TAFA1: variants seen among roughly 807,000 people sequenced by gnomAD.
TAFA1 encodes chemokine-like protein TAFA-1.
TAFA1 carries 4 observed loss-of-function variants against 18.5 expected under a neutral mutation model. The ratio of observed to expected loss-of-function variants is 0.22; its 90% confidence interval spans 0.11 to 0.49. The LOEUF (loss-of-function observed/expected upper bound fraction) is 0.49, where lower values mean the gene tolerates loss of function less well. Among genes scored for constraint, TAFA1 ranks in the 20% least tolerant of loss-of-function variants. The probability of loss-of-function intolerance (pLI) is 0.98; values close to 1 mark genes in which losing one functional copy is unlikely to be tolerated. For synonymous variants in TAFA1, 56 were observed against 55.2 expected, an observed-to-expected ratio of 1.01 and a Z score of -0.06; for missense variants, 147 against 169.0, an observed-to-expected ratio of 0.87 and a Z score of 0.72.
chr3:68,068,269 G>T (rs140643023), intron 2 of TAFA1, among the ~76,000 whole-genome samples: 328 of 152,308 alleles, frequency 2.2e-3, no homozygotes, highest in African/African-American at 7.6e-3. Context: ...AGATTTCGAA[G>T]CTATGGGATA....
At chr3:68,116,991 G>A (rs1203664007) in intron 2 of TAFA1, among the ~76,000 whole-genome samples, 2 of 152,200 alleles carry the variant, frequency 1.3e-5, no homozygotes, top group African/African-American at 2.4e-5. Context: ...ACCACGTGCT[G>A]ATCTCTGATT....
intron 2 of TAFA1, among the ~76,000 whole-genome samples, chr3:68,192,199 C>G (rs1224623599): frequency 3.3e-5 from 5 of 151,794 alleles, no homozygotes; most frequent in Non-Finnish European, 7.4e-5. Flanking sequence ...AGCTTTTGCT[C>G]TCATGGAGAT....
At chr3:68,076,685 A>T (rs2064829732) in intron 2 of TAFA1, among the ~76,000 whole-genome samples, 1 of 152,268 alleles carries the variant, frequency 6.6e-6, no homozygotes, top group African/African-American at 2.4e-5. Context: ...TATGTGCCAC[A>T]TTATCTTAAT....
intron 3 of TAFA1, among the ~76,000 whole-genome samples, chr3:68,505,513 T>A (rs1303048200): frequency 6.6e-6 from 1 of 152,158 alleles, no homozygotes; most frequent in Non-Finnish European, 1.5e-5. Flanking sequence ...TTCAGGAATG[T>A]CCTAGCTGAA....
chr3:68,120,171 C>CTCTTTCTTTCTTTCTT (rs67707831), intron 2 of TAFA1, among the ~76,000 whole-genome samples: 39 of 84,486 alleles, frequency 4.6e-4, no homozygotes, highest in East Asian at 1.5e-3. Context: ...CTCTTTCTTT[C>CTCTTTCTTTCTTTCTT]TCTTTCTTTC....
intron 3 of TAFA1, among the ~76,000 whole-genome samples, chr3:68,418,518 C>A (rs1256219966): frequency 9.3e-5 from 14 of 150,390 alleles, no homozygotes; most frequent in Non-Finnish European, 1.5e-4. Context: ...GGAATGTCAT[C>A]AGTTAAGGCG....
At chr3:68,095,230 A>G (rs987352808) in intron 2 of TAFA1, among the ~76,000 whole-genome samples, 2 of 152,166 alleles carry the variant, frequency 1.3e-5, no homozygotes, top group African/African-American at 4.8e-5. Flanking sequence ...CTCATTTCTG[A>G]CATCCCATGA....
the TAFA1 span, among the ~76,000 whole-genome samples, chr3:67,993,528 A>G: frequency 6.6e-6 from 1 of 152,214 alleles, no homozygotes; most frequent in African/African-American, 2.4e-5. Context: ...GAAACTATCC[A>G]AATTCGTCTC....
chr3:68,341,460 A>G (rs1344433480), intron 2 of TAFA1, among the ~76,000 whole-genome samples: 1 of 152,114 alleles, frequency 6.6e-6, no homozygotes, highest in Non-Finnish European at 1.5e-5. Flanking sequence ...TCCCACGAGC[A>G]ATTTGGGGAG....
intron 2 of TAFA1, among the ~76,000 whole-genome samples, chr3:68,402,386 G>A (rs1268221949): frequency 6.6e-6 from 1 of 152,148 alleles, no homozygotes; most frequent in Admixed American, 6.6e-5. Flanking sequence ...GATCACATCC[G>A]TGCAGCCAGA....
At position 68,502,081 on chromosome 3, in the gene TAFA1, T is replaced by A. The variant is rs539294452; in HGVS notation, c.260-36675T>A. Among the ~76,000 whole-genome samples the A allele has an allele frequency of 1.9e-3, 292 of 152,258 alleles. 2 individuals carry two copies. The highest frequency in any genetic ancestry group is 6.6e-3 in the African/African-American group (276 of 41,582). ...ACTGATTTGGCAAAGTGAGAAAACC[T>A]TGAAGGGCTTTCAAGCAAGTGGAGG... On this transcript the variant is annotated intron_variant, in intron 3 of 4. Coordinates refer to ENST00000478136, the MANE Select transcript of TAFA1 (RefSeq NM_213609.4).
intron 2 of TAFA1, among the ~76,000 whole-genome samples, chr3:68,381,755 C>A (rs980759604): frequency 4.6e-5 from 7 of 152,014 alleles, no homozygotes; most frequent in African/African-American, 1.4e-4. Context: ...AATTGAATAC[C>A]CTTTGTTTCC....
intron 3 of TAFA1, among the ~76,000 whole-genome samples, chr3:68,523,494 G>T (rs1488112147): frequency 2.0e-5 from 3 of 152,172 alleles, no homozygotes; most frequent in Admixed American, 6.5e-5. Context: ...AATCAGGAAA[G>T]TGAGTAGTCA....
chr3:68,145,815 G>A (rs2065733028), intron 2 of TAFA1, among the ~76,000 whole-genome samples: 2 of 152,164 alleles, frequency 1.3e-5, no homozygotes, highest in South Asian at 4.1e-4. Context: ...TACACAAAAA[G>A]TATTAACTTG....
At chr3:68,158,523 A>G (rs1194154065) in intron 2 of TAFA1, among the ~76,000 whole-genome samples, 1 of 151,590 alleles carries the variant, frequency 6.6e-6, no homozygotes, top group African/African-American at 2.4e-5. Context: ...GGAGATGGCT[A>G]TGAGGTCTCA....
At chr3:68,018,694 C>T (rs555203291) in intron 2 of TAFA1, among the ~76,000 whole-genome samples, 5 of 152,302 alleles carry the variant, frequency 3.3e-5, no homozygotes, top group South Asian at 2.1e-4. Context: ...AATGAAGGAA[C>T]GATCTTAAGC....
At chr3:68,528,101 G>A (rs892340473) in intron 3 of TAFA1, among the ~76,000 whole-genome samples, 1 of 152,114 alleles carries the variant, frequency 6.6e-6, no homozygotes, top group African/African-American at 2.4e-5. Flanking sequence ...TTAAAGATAA[G>A]GCATTAACCC....
Position 68,091,266 on chromosome 3 carries a change from G to A in TAFA1, c.118+84522G>A, listed in dbSNP as rs371954271. On this transcript the variant is annotated intron_variant, in intron 2 of 4. Coordinates refer to ENST00000478136, the MANE Select transcript of TAFA1 (RefSeq NM_213609.4). Reference sequence around the variant, plus strand: ...GGTTGGCAGTTATCTGAAACAAGTAGTCTAATAAAGAAGTATGCCCTTATG... The same window carrying A: ...GGTTGGCAGTTATCTGAAACAAGTAATCTAATAAAGAAGTATGCCCTTATG... Among the ~76,000 whole-genome samples, 4 of 152,266 alleles carry A rather than the reference G, an allele frequency of 2.6e-5. No individual in the cohort carries two copies. The East Asian group carries it at 7.7e-4, about 29-fold the overall frequency.
Position 68,461,360 on chromosome 3 carries a change from C to CATATATATATATATATATATATAT in TAFA1, c.259+43960_259+43961insATATATATATATATATATATATAT, listed in dbSNP as rs5849840. 8.0e-3 allele frequency among the ~76,000 whole-genome samples: 846 copies of CATATATATATATATATATATATAT among 106,100 alleles called. 23 individuals are homozygous for CATATATATATATATATATATATAT. Among genetic ancestry groups the CATATATATATATATATATATATAT allele is most frequent in the African/African-American group, 0.021 (497 of 23,894 alleles). The allele number at this position is 106,100 out of a possible 152,430, so 69.6% of individuals were successfully genotyped here. A position where few individuals can be genotyped will look rare whatever the true frequency, so the allele number is the denominator to read the frequency against. ...GAAGGAACCCAGGCCAATGAAAGTG[C>CATATATATATATATATATATATAT]ATATATATATATATATATATGTATG... is the stretch of plus-strand genomic sequence containing the variant. On this transcript the variant is annotated intron_variant, in intron 3 of 4. Coordinates refer to ENST00000478136, the MANE Select transcript of TAFA1 (RefSeq NM_213609.4).
Sources: allele counts gnomAD v4.1 joint callset (sites outside exome capture counted in the v4.1 genomes callset), GRCh38; gene constraint gnomAD v4.1.1; transcripts MANE v1.5; gene names NCBI Gene and HGNC (gene_info 2026-07-23, HGNC 2026-07-21).